SLC24A3: variants seen among roughly 807,000 people sequenced by gnomAD.
SLC24A3 encodes the protein sodium/potassium/calcium exchanger 3.
Under a neutral mutation model 75.8 loss-of-function variants are expected in SLC24A3, and 28 were observed. The observed-to-expected ratio is 0.37, with a 90% CI of 0.27 to 0.51. The LOEUF (loss-of-function observed/expected upper bound fraction) is 0.51, where lower values mean the gene tolerates loss of function less well. Among genes scored for constraint, SLC24A3 ranks in the 20% least tolerant of loss-of-function variants. SLC24A3 has a pLI of 0.94. For missense variants in SLC24A3, 663 were observed against 847.8 expected (o/e 0.78, Z 2.71); for synonymous variants, 372 against 334.1 (o/e 1.11, Z -1.24).
chr20:19,658,395 C>T (rs913827773), intron 7 of SLC24A3, among the ~76,000 whole-genome samples: 1 of 152,166 alleles, frequency 6.6e-6, no homozygotes, highest in Non-Finnish European at 1.5e-5. Flanking sequence ...ACGTGCATTC[C>T]GAAACCAACA....
At chr20:19,653,152 A>G (rs73283601) in intron 6 of SLC24A3, among the ~76,000 whole-genome samples, 7,671 of 152,216 alleles carry the variant, frequency 0.05, 299 homozygotes, top group African/African-American at 0.11. Flanking sequence ...TTTCTCCAGA[A>G]CAGAAGCCTC....
intron 8 of SLC24A3, among the ~76,000 whole-genome samples, chr20:19,668,384 T>C (rs577072843): frequency 6.6e-6 from 1 of 152,338 alleles, no homozygotes; most frequent in African/African-American, 2.4e-5. Context: ...TGCTGATTTC[T>C]CTCTTTAAAA....
intron 2 of SLC24A3, among the ~76,000 whole-genome samples, chr20:19,286,497 T>C (rs1288107446): frequency 6.6e-6 from 1 of 151,684 alleles, no homozygotes; most frequent in Non-Finnish European, 1.5e-5. Flanking sequence ...ACATGACCAG[T>C]CTACAAAGCA....
intron 6 of SLC24A3, among the ~76,000 whole-genome samples, chr20:19,609,847 G>A (rs1600301685): frequency 6.6e-6 from 1 of 152,192 alleles, no homozygotes; most frequent in Non-Finnish European, 1.5e-5. Context: ...CAAAGAGTTT[G>A]GTTTGGAGCT....
At chr20:19,306,545 T>C (rs1984334801) in intron 2 of SLC24A3, among the ~76,000 whole-genome samples, 1 of 152,200 alleles carries the variant, frequency 6.6e-6, no homozygotes, top group Admixed American at 6.5e-5. Flanking sequence ...ATTATGTTCT[T>C]TGCAGCAATA....
intron 6 of SLC24A3, among the ~76,000 whole-genome samples, chr20:19,646,183 A>G (rs1216714166): frequency 6.6e-6 from 1 of 152,252 alleles, no homozygotes; most frequent in Non-Finnish European, 1.5e-5. Context: ...TCTTGTGCTT[A>G]TCCAAAGAAA....
At chr20:19,245,382 A>G (rs1460057403) in intron 1 of SLC24A3, among the ~76,000 whole-genome samples, 2 of 152,214 alleles carry the variant, frequency 1.3e-5, no homozygotes, top group Admixed American at 1.3e-4. Context: ...TTATATAAAA[A>G]GATATTTTAA....
At chr20:19,245,636 C>G (rs1982464689) in intron 1 of SLC24A3, among the ~76,000 whole-genome samples, 2 of 152,098 alleles carry the variant, frequency 1.3e-5, no homozygotes, top group Non-Finnish European at 2.9e-5. Context: ...TAGGCAAACA[C>G]TAACCAAAAG....
intron 2 of SLC24A3, among the ~76,000 whole-genome samples, chr20:19,405,451 G>C (rs913807613): frequency 6.6e-6 from 1 of 152,298 alleles, no homozygotes; most frequent in East Asian, 1.9e-4. Context: ...TCTGTCAGTG[G>C]CATTCTAGCT....
intron 3 of SLC24A3, among the ~76,000 whole-genome samples, chr20:19,578,323 G>A (rs1326126776): frequency 6.6e-6 from 1 of 151,778 alleles, no homozygotes; most frequent in Non-Finnish European, 1.5e-5. Context: ...TACTTTTCGT[G>A]TATGCATGCG....
intron 3 of SLC24A3, among the ~76,000 whole-genome samples, chr20:19,540,833 G>A (rs2122586929): frequency 6.6e-6 from 1 of 152,308 alleles, no homozygotes; most frequent in South Asian, 2.1e-4. Flanking sequence ...GGCAGCCTTA[G>A]CCCACTCATT....
chr20:19,510,063 C>A (rs1375809889), intron 2 of SLC24A3, among the ~76,000 whole-genome samples: 1 of 152,198 alleles, frequency 6.6e-6, no homozygotes, highest in African/African-American at 2.4e-5. Context: ...ATAGCACGCA[C>A]GTAGGAGCTG....
At chr20:19,475,727 A>C (rs1170725166) in intron 2 of SLC24A3, among the ~76,000 whole-genome samples, 1 of 152,226 alleles carries the variant, frequency 6.6e-6, no homozygotes, top group East Asian at 1.9e-4. Flanking sequence ...TCTTGGGTGA[A>C]GGATGGAAAC....
intron 15 of SLC24A3, among the ~76,000 whole-genome samples, chr20:19,702,268 A>G (rs1237402107): frequency 1.3e-5 from 2 of 152,162 alleles, no homozygotes; most frequent in African/African-American, 4.8e-5. Flanking sequence ...ATGAAAGTAT[A>G]CTCTTTCCAG....
chr20:19,479,457 A>G (rs1253241237), intron 2 of SLC24A3, among the ~76,000 whole-genome samples: 1 of 152,210 alleles, frequency 6.6e-6, no homozygotes, highest in Non-Finnish European at 1.5e-5. Context: ...AATGAAAACC[A>G]TCCTCTTTTC....
At chr20:19,236,588 C>CA (rs559117579) in intron 1 of SLC24A3, among the ~76,000 whole-genome samples, 10 of 151,580 alleles carry the variant, frequency 6.6e-5, no homozygotes, top group Admixed American at 2.0e-4. Context: ...CGCAACTCTG[C>CA]AAAAAAAATA....
intron 6 of SLC24A3, among the ~76,000 whole-genome samples, chr20:19,589,418 G>A (rs2031341908): frequency 6.6e-6 from 1 of 152,216 alleles, no homozygotes; most frequent in Non-Finnish European, 1.5e-5. Context: ...ATTCCAGCTT[G>A]CTGGGCTCAG....
At chr20:19,400,817 C>A (rs1345315134) in intron 2 of SLC24A3, among the ~76,000 whole-genome samples, 1 of 152,174 alleles carries the variant, frequency 6.6e-6, no homozygotes, top group African/African-American at 2.4e-5. Context: ...CATTTCTCAT[C>A]TTTTGGGGAT....
chr20:19,559,328 G>A (rs1461491927), intron 3 of SLC24A3, among the ~76,000 whole-genome samples: 1 of 151,868 alleles, frequency 6.6e-6, no homozygotes, highest in Non-Finnish European at 1.5e-5. Flanking sequence ...TTTTTGTGTT[G>A]TACGTATTCT....
Sources: allele counts gnomAD v4.1 joint callset (sites outside exome capture counted in the v4.1 genomes callset), GRCh38; gene constraint gnomAD v4.1.1; transcripts MANE v1.5; gene names NCBI Gene and HGNC (gene_info 2026-07-23, HGNC 2026-07-21).